CSMD1: variants seen among roughly 807,000 people sequenced by gnomAD.
CSMD1 encodes the protein CUB and sushi domain-containing protein 1.
CSMD1 carries 213 observed loss-of-function variants against 417.5 expected under a neutral mutation model. That is an observed-to-expected ratio of 0.51 (90% confidence interval 0.46 to 0.57). CSMD1 has a LOEUF of 0.57. Ranked by LOEUF, CSMD1 falls within the 20% of genes least tolerant of loss-of-function variation. The probability of loss-of-function intolerance (pLI) is 0.00; values close to 1 mark genes in which losing one functional copy is unlikely to be tolerated. For synonymous variants in CSMD1, 2,862 were observed against 1,736.8 expected (o/e 1.65, Z -16.11); for missense variants, 6,923 against 4,529.7 (o/e 1.53, Z -15.17).
chr8:3,858,851 G>A lies in CSMD1; in HGVS notation c.819-104809C>T, dbSNP rs189296666. ...ACTTGCATGTTGCATTTTTGTTTCT[G>A]TAGAATGCTCCAGTAGGATCAGGTT... On this transcript the variant is annotated intron_variant, in intron 5 of 69. Coordinates refer to ENST00000635120, the MANE Select transcript of CSMD1 (RefSeq NM_033225.6). 9.9e-5 allele frequency among the ~76,000 whole-genome samples: 15 copies of A among 152,114 alleles called. 1 individual carries two copies. Among genetic ancestry groups the A allele is most frequent in the Admixed American group, 7.9e-4 (12 of 15,264 alleles).
chr8:4,869,526 T>C (rs1208900186), intron 1 of CSMD1, among the ~76,000 whole-genome samples: 1 of 152,082 alleles, frequency 6.6e-6, no homozygotes, highest in Non-Finnish European at 1.5e-5. Flanking sequence ...TAGGATAGTG[T>C]ATCTATTTAT....
intron 4 of CSMD1, among the ~76,000 whole-genome samples, chr8:4,017,409 G>T (rs1274503857): frequency 6.6e-6 from 1 of 152,026 alleles, no homozygotes. Flanking sequence ...GGGTTCAATC[G>T]ATTCTCCTGC....
At chr8:3,041,128 C>T (rs1811063523) in intron 50 of CSMD1, among the ~76,000 whole-genome samples, 1 of 152,060 alleles carries the variant, frequency 6.6e-6, no homozygotes, top group African/African-American at 2.4e-5. Context: ...GAGCTCCTGA[C>T]AATTTTGAAT....
At chr8:4,133,617 T>G (rs1353273247) in intron 3 of CSMD1, among the ~76,000 whole-genome samples, 4 of 152,156 alleles carry the variant, frequency 2.6e-5, no homozygotes, top group East Asian at 1.9e-4. Context: ...TGCTAAGCAT[T>G]GTACTAGCAA....
chr8:3,645,018 T>A (rs1486295855), intron 7 of CSMD1, among the ~76,000 whole-genome samples: 11 of 150,028 alleles, frequency 7.3e-5, no homozygotes, highest in Non-Finnish European at 1.5e-5. Flanking sequence ...AACTCGCATT[T>A]CTTCCTTTCT....
intron 1 of CSMD1, among the ~76,000 whole-genome samples, chr8:4,827,636 T>C (rs528181456): frequency 2.6e-5 from 4 of 152,182 alleles, no homozygotes; most frequent in Admixed American, 6.5e-5. Context: ...GGTAAGTCTT[T>C]AGGAATTCCC....
intron 23 of CSMD1, among the ~76,000 whole-genome samples, chr8:3,336,458 A>G (rs1022695032): frequency 1.3e-5 from 2 of 152,204 alleles, no homozygotes; most frequent in Non-Finnish European, 2.9e-5. Context: ...GCCATTTCAT[A>G]TGTGTTTTCT....
intron 3 of CSMD1, among the ~76,000 whole-genome samples, chr8:4,033,088 T>A (rs1214529901): frequency 6.8e-6 from 1 of 146,830 alleles, no homozygotes; most frequent in African/African-American, 2.5e-5. Flanking sequence ...TGATTCCATG[T>A]CTTTAGACAA....
At chr8:4,135,157 C>T (rs1261931546) in intron 3 of CSMD1, among the ~76,000 whole-genome samples, 2 of 152,108 alleles carry the variant, frequency 1.3e-5, no homozygotes, top group Non-Finnish European at 2.9e-5. Flanking sequence ...CTGGTACAAT[C>T]ACTATAAAAT....
At chr8:3,302,541 C>A (rs897418271) in intron 25 of CSMD1, among the ~76,000 whole-genome samples, 1 of 152,186 alleles carries the variant, frequency 6.6e-6, no homozygotes, top group Admixed American at 6.5e-5. Context: ...TGGGCAATTC[C>A]TTCTTTGCAA....
intron 16 of CSMD1, among the ~76,000 whole-genome samples, chr8:3,399,045 G>A (rs549384028): frequency 1.8e-4 from 28 of 152,028 alleles, no homozygotes; most frequent in Non-Finnish European, 3.4e-4. Context: ...GACACCTAAG[G>A]GACCATGGGA....
At chr8:3,393,869 T>C (rs1811502430) in intron 17 of CSMD1, among the ~76,000 whole-genome samples, 1 of 150,804 alleles carries the variant, frequency 6.6e-6, no homozygotes, top group Admixed American at 6.6e-5. Flanking sequence ...GGGATAGCAT[T>C]AGGAGATATA....
intron 1 of CSMD1, among the ~76,000 whole-genome samples, chr8:4,975,640 G>A (rs752045096): frequency 6.6e-6 from 1 of 152,110 alleles, no homozygotes; most frequent in Non-Finnish European, 1.5e-5. Flanking sequence ...GAACAAAACA[G>A]GTGTTACTCT....
intron 3 of CSMD1, among the ~76,000 whole-genome samples, chr8:4,061,243 G>A (rs1212235685): frequency 1.3e-5 from 2 of 152,184 alleles, no homozygotes; most frequent in Non-Finnish European, 2.9e-5. Context: ...AAGAGGAGCT[G>A]TTCTAAGTTA....
At chr8:4,818,249 G>T (rs1340456829) in intron 1 of CSMD1, among the ~76,000 whole-genome samples, 1 of 152,096 alleles carries the variant, frequency 6.6e-6, no homozygotes, top group African/African-American at 2.4e-5. Flanking sequence ...ATCATTCTTT[G>T]TAACGATTTT....
chr8:4,193,191 T>G (rs1290790917), intron 3 of CSMD1, among the ~76,000 whole-genome samples: 1 of 152,124 alleles, frequency 6.6e-6, no homozygotes, highest in African/African-American at 2.4e-5. Context: ...CTCTTTGGAG[T>G]CATAAGCAGG....
intron 16 of CSMD1, among the ~76,000 whole-genome samples, chr8:3,397,695 A>T (rs1811787859): frequency 6.6e-6 from 1 of 152,228 alleles, no homozygotes; most frequent in Non-Finnish European, 1.5e-5. Flanking sequence ...TGACATAGTC[A>T]TGCTGAAGTT....
intron 10 of CSMD1, among the ~76,000 whole-genome samples, chr8:3,502,530 T>TAA (rs1417354708): frequency 6.6e-6 from 1 of 152,030 alleles, no homozygotes; most frequent in African/African-American, 2.4e-5. Context: ...TATTCAGGGC[T>TAA]AAAAGGAAAT....
chr8:4,473,481 T>C (rs1302100098), intron 2 of CSMD1, among the ~76,000 whole-genome samples: 1 of 152,216 alleles, frequency 6.6e-6, no homozygotes, highest in Non-Finnish European at 1.5e-5. Context: ...ACCCAGTGTC[T>C]GCAAATCCAA....
Sources: allele counts gnomAD v4.1 joint callset (sites outside exome capture counted in the v4.1 genomes callset), GRCh38; gene constraint gnomAD v4.1.1; transcripts MANE v1.5; gene names NCBI Gene and HGNC (gene_info 2026-07-23, HGNC 2026-07-21).